Variants in SMAD6 observed in about 807,000 individuals in gnomAD.
The protein encoded by SMAD6 is SMAD family member 6.
In SMAD6, 103 loss-of-function variants were observed where a neutral mutation model predicts 39.4. That is an observed-to-expected ratio of 2.62 (90% CI 2.23 to 3.08). The LOEUF is 3.08. Ranked by LOEUF, SMAD6 falls within the 30% of genes most tolerant of loss-of-function variation. The probability of loss-of-function intolerance (pLI) is 0.00; values close to 1 mark genes in which losing one functional copy is unlikely to be tolerated. For missense variants in SMAD6, 1,104 were observed against 742.9 expected (o/e 1.49, Z -5.65); for synonymous variants, 445 against 353.3 (o/e 1.26, Z -2.91).
intron 3 of SMAD6, among the ~76,000 whole-genome samples, chr15:66,776,332 C>A (rs1007470834): frequency 6.6e-6 from 1 of 152,208 alleles, no homozygotes; most frequent in Non-Finnish European, 1.5e-5. Context: ...AACAAGGCAC[C>A]TCCTTCCTTC....
In SMAD6 at chr15:66,743,173, C is replaced by T. The variant is rs150603069; in HGVS notation, c.952+26675C>T. On this transcript the variant is annotated intron_variant, in intron 3 of 3. Coordinates refer to ENST00000288840, the MANE Select transcript of SMAD6 (RefSeq NM_005585.5). Reference sequence around the variant, plus strand: ...GAGACCCCTCCGGTACCTTTTTCCTCGTGGGATCCTGAGAGCTCCCTGCAG... The same window carrying T: ...GAGACCCCTCCGGTACCTTTTTCCTTGTGGGATCCTGAGAGCTCCCTGCAG... Among the ~76,000 whole-genome samples the T allele has an allele frequency of 1.2e-3, 179 of 152,224 alleles. 1 individual carries two copies. The East Asian group carries it at 0.017, about 14-fold the overall frequency.
chr15:66,704,221 C>T, intron 1 of SMAD6, 146 bp downstream of exon 1: 1 of 522,996 alleles, frequency 1.9e-6, no homozygotes, highest in Non-Finnish European at 3.0e-6. Context: ...GGGGAGGCGC[C>T]TCAGACCGGC....
intron 3 of SMAD6, among the ~76,000 whole-genome samples, chr15:66,752,165 G>C (rs1894018407): frequency 6.6e-6 from 1 of 151,548 alleles, no homozygotes; most frequent in Admixed American, 6.6e-5. Flanking sequence ...GGCCTAGGAA[G>C]CTTTTCTGGG....
intron 1 of SMAD6, chr15:66,707,158 A>G (rs1234986504): frequency 1.3e-5 from 2 of 151,994 alleles, no homozygotes; most frequent in Non-Finnish European, 2.9e-5. Context: ...GTGGGTGCCT[A>G]TGTGGACGGA....
intron 3 of SMAD6, among the ~76,000 whole-genome samples, chr15:66,772,149 C>G (rs1894389302): frequency 6.6e-6 from 1 of 152,132 alleles, no homozygotes; most frequent in Non-Finnish European, 1.5e-5. Context: ...CTGAAGTCTT[C>G]TGGGATTTTG....
At chr15:66,779,955 G>T (rs1894529507) in intron 3 of SMAD6, among the ~76,000 whole-genome samples, 1 of 152,222 alleles carries the variant, frequency 6.6e-6, no homozygotes, top group African/African-American at 2.4e-5. Flanking sequence ...GGAGCACCCT[G>T]GCCTGTGTTG....
At chr15:66,709,528 G>A (rs1475934166) in intron 1 of SMAD6, among the ~76,000 whole-genome samples, 2 of 152,172 alleles carry the variant, frequency 1.3e-5, no homozygotes, top group Admixed American at 6.5e-5. Flanking sequence ...AGCCACTACT[G>A]CCCATAGTTG....
chr15:66,725,728 G>A (rs1250032048), intron 3 of SMAD6, among the ~76,000 whole-genome samples: 2 of 152,224 alleles, frequency 1.3e-5, no homozygotes, highest in Non-Finnish European at 2.9e-5. Context: ...ATGGGAGACA[G>A]CTAAGGTGAG....
At chr15:66,730,571 C>T (rs1474211265) in intron 3 of SMAD6, among the ~76,000 whole-genome samples, 1 of 152,086 alleles carries the variant, frequency 6.6e-6, no homozygotes, top group Non-Finnish European at 1.5e-5. Context: ...CCTAGCATGG[C>T]CCACCTCATG....
intron 3 of SMAD6, chr15:66,717,150 G>A: frequency 7.8e-7 from 1 of 1,286,934 alleles, no homozygotes; most frequent in South Asian, 1.2e-5. Context: ...GGTTGGTGTT[G>A]GACTGGGGAC....
chr15:66,729,091 C>G (rs1893575490), intron 3 of SMAD6, among the ~76,000 whole-genome samples: 1 of 152,192 alleles, frequency 6.6e-6, no homozygotes, highest in Non-Finnish European at 1.5e-5. Flanking sequence ...GGGGCAGTGC[C>G]TGTGCTTGGT....
intron 1 of SMAD6, among the ~76,000 whole-genome samples, chr15:66,710,735 A>G (rs935625094): frequency 6.6e-6 from 1 of 152,224 alleles, no homozygotes; most frequent in Non-Finnish European, 1.5e-5. Flanking sequence ...AAGCTAAGGA[A>G]TTCTTCTGAA....
rs1011931265 is a variant in SMAD6 at position 66,703,692 on chromosome 15, T to C, written c.434T>C (p.Leu145Pro). The C allele has an allele frequency of 4.2e-5, 53 of 1,254,788 alleles. 1 individual carries two copies. Among genetic ancestry groups the C allele is most frequent in the African/African-American group, 2.5e-4 (16 of 63,456 alleles). The allele number at this position is 1,254,788 out of a possible 1,614,324, so 77.7% of individuals were successfully genotyped here. ...AGAPRDASDP[L>P]AGAALEPAGG... ...GCGCCCCGGGACGCCAGCGACCCCC[T>C]GGCCGGGGCGGCCCTGGAGCCGGCG... The change falls in exon 1 of 4, where the codon CTG becomes CCG. Residue 145 changes from leucine (L) to proline (P), a missense_variant. Transcript: ENST00000288840.
At chr15:66,774,226 G>T (rs1456428080) in intron 3 of SMAD6, among the ~76,000 whole-genome samples, 1 of 152,194 alleles carries the variant, frequency 6.6e-6, no homozygotes, top group Non-Finnish European at 1.5e-5. Context: ...TGCAGCCCAC[G>T]GGGGAGCACA....
At chr15:66,779,613 AG>A (rs1046141223) in intron 3 of SMAD6, among the ~76,000 whole-genome samples, 3 of 152,228 alleles carry the variant, frequency 2.0e-5, no homozygotes, top group Admixed American at 1.3e-4. Flanking sequence ...GCTTCTAGGC[AG>A]GGGCAAGACC....
intron 2 of SMAD6, among the ~76,000 whole-genome samples, chr15:66,712,319 A>G (rs1165030415): frequency 3.3e-5 from 5 of 152,298 alleles, no homozygotes; most frequent in East Asian, 3.9e-4. Context: ...TCCCATTCAG[A>G]GGCAGAACAT....
intron 3 of SMAD6, among the ~76,000 whole-genome samples, chr15:66,745,350 C>A (rs1013416980): frequency 9.9e-5 from 15 of 151,878 alleles, no homozygotes; most frequent in Admixed American, 7.9e-4. Flanking sequence ...CCCCAGCTGG[C>A]ATGTCTTCTG....
In SMAD6 at chr15:66,781,324, T is replaced by A. The variant is rs1555440131; in HGVS notation, c.1280T>A (p.Val427Glu). 1 of 1,598,818 alleles carries A rather than the reference T, an allele frequency of 6.3e-7. No homozygotes were observed. Among genetic ancestry groups the A allele is most frequent in the South Asian group, 1.1e-5 (1 of 90,818 alleles). The change falls in exon 4 of 4, where the codon GTG (valine) becomes GAG (glutamate). Residue 427 changes from valine (V) to glutamate (E), a missense_variant. Val to Glu is a moderately radical substitution (Grantham distance 121). Transcript: ENST00000288840. ...LDAPGGRALVVRKVPPGYSIK... is the reference protein window; with the variant it reads ...LDAPGGRALVERKVPPGYSIK... ...GCGCCCGGCGGCCGCGCCCTGGTCGTGCGCAAGGTGCCCCCCGGCTACTCC... is the reference window on the plus strand; with the variant it reads ...GCGCCCGGCGGCCGCGCCCTGGTCGAGCGCAAGGTGCCCCCCGGCTACTCC...
intron 3 of SMAD6, among the ~76,000 whole-genome samples, chr15:66,748,517 G>A (rs978527778): frequency 1.3e-5 from 2 of 152,188 alleles, no homozygotes; most frequent in African/African-American, 4.8e-5. Context: ...AAAATGAACA[G>A]TGCCCTGAGA....
Sources: allele counts gnomAD v4.1 joint callset (sites outside exome capture counted in the v4.1 genomes callset), GRCh38; gene constraint gnomAD v4.1.1; transcripts MANE v1.5; gene names NCBI Gene and HGNC (gene_info 2026-07-23, HGNC 2026-07-21).